SYNPR: variants seen among roughly 807,000 people sequenced by gnomAD.
The protein encoded by SYNPR is synaptoporin.
In SYNPR, 23 loss-of-function variants were observed where a neutral mutation model predicts 32.9. The observed-to-expected ratio is 0.70, with a 90% confidence interval of 0.50 to 0.99. SYNPR has a LOEUF of 0.99. Among genes scored for constraint, SYNPR ranks in the 50% least tolerant of loss-of-function variants. SYNPR has a pLI of 0.00. For synonymous variants in SYNPR, 146 were observed against 135.9 expected (o/e 1.07, Z -0.52); for missense variants, 318 against 349.3 (o/e 0.91, Z 0.71).
At chr3:63,571,349 C>CT (rs1702882281) in intron 4 of SYNPR, among the ~76,000 whole-genome samples, 1 of 152,160 alleles carries the variant, frequency 6.6e-6, no homozygotes, top group Non-Finnish European at 1.5e-5. Context: ...TTTGGCCTTA[C>CT]TTTTGCCTTT....
In SYNPR at chr3:63,245,085, G is replaced by A. The variant is rs545445361; in HGVS notation, n.67-7414G>A. On this transcript the variant is annotated intron_variant and non_coding_transcript_variant, in intron 1 of 4. Transcript: ENST00000478456. ...TACATCTCCAAAGCATAAGGAAAGG[G>A]ATTTTGAGAATTACTTGGTTTGCAG... 1.2e-3 allele frequency among the ~76,000 whole-genome samples: 190 copies of A among 152,188 alleles called. 1 individual carries two copies. Among genetic ancestry groups the A allele is most frequent in the Non-Finnish European group, 2.6e-3 (174 of 67,978 alleles).
chr3:63,371,399 C>T (rs78104968), intron 2 of SYNPR, among the ~76,000 whole-genome samples: 3,821 of 152,256 alleles, frequency 0.025, 141 homozygotes, highest in African/African-American at 0.086. Context: ...TGCACGTCTC[C>T]GGGAAAGAGG....
intron 2 of SYNPR, among the ~76,000 whole-genome samples, chr3:63,293,320 G>A (rs1195009792): frequency 6.7e-6 from 1 of 148,830 alleles, no homozygotes; most frequent in Non-Finnish European, 1.5e-5. Flanking sequence ...TTGGGGTGGA[G>A]GGTTTTTTTG....
intron 2 of SYNPR, among the ~76,000 whole-genome samples, chr3:63,323,363 C>A (rs1575598150): frequency 6.6e-6 from 1 of 151,686 alleles, no homozygotes; most frequent in Non-Finnish European, 1.5e-5. Flanking sequence ...GGCCTTATGG[C>A]AAAAAGGGAG....
intron 2 of SYNPR, among the ~76,000 whole-genome samples, chr3:63,338,175 T>C (rs183354091): frequency 6.6e-6 from 1 of 152,344 alleles, no homozygotes; most frequent in Admixed American, 6.5e-5. Context: ...AGTCTAAAAC[T>C]GCTCTAATAA....
chr3:63,553,324 T>C (rs1702534752), intron 3 of SYNPR, among the ~76,000 whole-genome samples: 1 of 152,204 alleles, frequency 6.6e-6, no homozygotes, highest in Non-Finnish European at 1.5e-5. Context: ...CCACATTTTC[T>C]CTATGTAATC....
intron 4 of SYNPR, among the ~76,000 whole-genome samples, chr3:63,570,884 T>C (rs1202036946): frequency 6.6e-6 from 1 of 152,186 alleles, no homozygotes; most frequent in Non-Finnish European, 1.5e-5. Context: ...TCATCAAGGA[T>C]AGGGTCTGAG....
chr3:63,245,680 TGAGAGAGAGAGAGA>T (rs71992869), intron 1 of SYNPR, among the ~76,000 whole-genome samples: 1,585 of 123,376 alleles, frequency 0.013, 32 homozygotes, highest in African/African-American at 0.046. Flanking sequence ...CTTTGTCAAG[TGAGAGAGAGAGAGA>T]GAGAGAGAGA....
chr3:63,403,110 C>T (rs968605527), intron 2 of SYNPR, among the ~76,000 whole-genome samples: 2 of 152,152 alleles, frequency 1.3e-5, no homozygotes, highest in South Asian at 4.1e-4. Flanking sequence ...TATATATCCA[C>T]ATTCTGCCAT....
intron 4 of SYNPR, among the ~76,000 whole-genome samples, chr3:63,586,085 A>G (rs1186393055): frequency 6.6e-6 from 1 of 152,090 alleles, no homozygotes; most frequent in Non-Finnish European, 1.5e-5. Flanking sequence ...TAAGCTGTAG[A>G]TGGTAAAGCA....
At chr3:63,420,179 T>C (rs901742781) in intron 2 of SYNPR, among the ~76,000 whole-genome samples, 28 of 152,188 alleles carry the variant, frequency 1.8e-4, no homozygotes, top group African/African-American at 6.8e-4. Context: ...ACATTTTAAT[T>C]AAAAATGTAC....
At chr3:63,534,714 C>T (rs985368) in intron 3 of SYNPR, among the ~76,000 whole-genome samples, 33,265 of 152,002 alleles carry the variant, frequency 0.22, 3,702 homozygotes, top group East Asian at 0.32. Context: ...GGGCTTCAGG[C>T]TGCTCCAGCT....
intron 2 of SYNPR, among the ~76,000 whole-genome samples, chr3:63,442,854 T>C (rs1191973414): frequency 2.6e-5 from 4 of 152,176 alleles, no homozygotes; most frequent in African/African-American, 9.6e-5. Context: ...TACATTAAAA[T>C]GAGGGCAATT....
chr3:63,537,119 T>C (rs1702223308), intron 3 of SYNPR, among the ~76,000 whole-genome samples: 1 of 152,102 alleles, frequency 6.6e-6, no homozygotes, highest in African/African-American at 2.4e-5. Flanking sequence ...GGTGACGATA[T>C]GTTAATTTTA....
the SYNPR span, among the ~76,000 whole-genome samples, chr3:63,220,873 C>T: frequency 2.0e-5 from 3 of 152,176 alleles, no homozygotes; most frequent in Non-Finnish European, 1.5e-5. Context: ...TCAACTGCTT[C>T]TTCTGTCATA....
At chr3:63,209,775 C>A in the SYNPR span, among the ~76,000 whole-genome samples, 1 of 152,150 alleles carries the variant, frequency 6.6e-6, no homozygotes, top group African/African-American at 2.4e-5. Context: ...CTCATAGCAT[C>A]CTAAACTTTG....
At chr3:63,390,470 G>A (rs2088117796) in intron 2 of SYNPR, among the ~76,000 whole-genome samples, 1 of 152,208 alleles carries the variant, frequency 6.6e-6, no homozygotes, top group Non-Finnish European at 1.5e-5. Context: ...AAGATAGGGT[G>A]TCATCACCAA....
the SYNPR span, among the ~76,000 whole-genome samples, chr3:63,206,774 G>A: frequency 6.6e-6 from 1 of 152,082 alleles, no homozygotes; most frequent in African/African-American, 2.4e-5. Flanking sequence ...ATAACACATG[G>A]GCCATTGATC....
intron 2 of SYNPR, among the ~76,000 whole-genome samples, chr3:63,422,269 G>A (rs1224674761): frequency 2.6e-5 from 4 of 152,056 alleles, no homozygotes; most frequent in African/African-American, 9.7e-5. Flanking sequence ...ATTGCTATGT[G>A]TTCTCCCTTC....
Sources: allele counts gnomAD v4.1 joint callset (sites outside exome capture counted in the v4.1 genomes callset), GRCh38; gene constraint gnomAD v4.1.1; transcripts MANE v1.5; gene names NCBI Gene and HGNC (gene_info 2026-07-23, HGNC 2026-07-21).